ASIC2: variants seen among roughly 807,000 people sequenced by gnomAD.
ASIC2 encodes the protein acid-sensing ion channel 2.
Under a neutral mutation model 57.3 loss-of-function variants are expected in ASIC2, and 25 were observed. That is an observed-to-expected ratio of 0.44 (90% confidence interval 0.32 to 0.61). The LOEUF is 0.61. ASIC2 is among the 20% of genes least tolerant of loss of function. The pLI, the probability that ASIC2 is intolerant of heterozygous loss-of-function variation, is 0.06. For missense variants in ASIC2, 641 were observed against 738.1 expected (o/e 0.87, Z 1.52); for synonymous variants, 319 against 307.5 (o/e 1.04, Z -0.39).
intron 1 of ASIC2, among the ~76,000 whole-genome samples, chr17:33,489,648 C>T (rs940946427): frequency 1.8e-4 from 27 of 152,192 alleles, no homozygotes; most frequent in Admixed American, 1.8e-3. Flanking sequence ...GGGATGAAGC[C>T]ACAGACCCAA....
At chr17:33,240,735 C>T (rs1407369446) in intron 1 of ASIC2, among the ~76,000 whole-genome samples, 3 of 152,130 alleles carry the variant, frequency 2.0e-5, no homozygotes, top group Non-Finnish European at 2.9e-5. Context: ...TCTCCCAATC[C>T]TGCGGGGTCC....
At chr17:33,615,473 C>G (rs1335715326) in intron 1 of ASIC2, among the ~76,000 whole-genome samples, 1 of 152,036 alleles carries the variant, frequency 6.6e-6, no homozygotes, top group Non-Finnish European at 1.5e-5. Context: ...GAAGCTAAAA[C>G]CAAGATATTT....
At chr17:33,995,691 T>G (rs1906136977) in intron 1 of ASIC2, among the ~76,000 whole-genome samples, 1 of 152,218 alleles carries the variant, frequency 6.6e-6, no homozygotes, top group East Asian at 1.9e-4. Context: ...CACACACAAA[T>G]GCACGTATAT....
At chr17:33,422,860 G>A (rs930655468) in intron 1 of ASIC2, among the ~76,000 whole-genome samples, 1 of 152,154 alleles carries the variant, frequency 6.6e-6, no homozygotes, top group Non-Finnish European at 1.5e-5. Context: ...TGGTATACCC[G>A]GGTGATGATC....
intron 1 of ASIC2, among the ~76,000 whole-genome samples, chr17:33,971,463 A>T (rs1905227488): frequency 6.6e-6 from 1 of 152,118 alleles, no homozygotes; most frequent in Non-Finnish European, 1.5e-5. Flanking sequence ...ATACGCTCAC[A>T]CACCAGCTCC....
At chr17:33,925,326 C>T (rs561023902) in intron 1 of ASIC2, among the ~76,000 whole-genome samples, 6 of 152,374 alleles carry the variant, frequency 3.9e-5, no homozygotes, top group Non-Finnish European at 5.9e-5. Flanking sequence ...TGACACTTCT[C>T]GTCCTCCCCT....
At chr17:33,915,871 G>A (rs1157513973) in intron 1 of ASIC2, among the ~76,000 whole-genome samples, 1 of 152,162 alleles carries the variant, frequency 6.6e-6, no homozygotes, top group African/African-American at 2.4e-5. Context: ...GGGGAAGATG[G>A]CATAGGTGAG....
intron 1 of ASIC2, among the ~76,000 whole-genome samples, chr17:33,823,171 T>C: frequency 6.6e-6 from 1 of 152,204 alleles, no homozygotes; most frequent in Non-Finnish European, 1.5e-5. Context: ...TTGCTTCTTA[T>C]CACAGCTGTA....
chr17:33,685,696 G>A (rs1026259624), intron 1 of ASIC2, among the ~76,000 whole-genome samples: 1 of 152,058 alleles, frequency 6.6e-6, no homozygotes, highest in African/African-American at 2.4e-5. Flanking sequence ...GTTGCTCCTT[G>A]GTTTTACTGT....
intron 1 of ASIC2, among the ~76,000 whole-genome samples, chr17:33,764,234 G>A (rs1213232708): frequency 1.3e-5 from 2 of 151,592 alleles, no homozygotes; most frequent in African/African-American, 4.9e-5. Context: ...GGAGAATGGT[G>A]TGAACTCAGG....
chr17:33,072,890 C>T (rs1217394170), intron 3 of ASIC2, among the ~76,000 whole-genome samples: 1 of 152,234 alleles, frequency 6.6e-6, no homozygotes, highest in Non-Finnish European at 1.5e-5. Context: ...TCCACTCCCC[C>T]TGCTAGAAAA....
intron 2 of ASIC2, among the ~76,000 whole-genome samples, chr17:33,110,339 C>A (rs567128380): frequency 6.6e-6 from 1 of 152,190 alleles, no homozygotes; most frequent in African/African-American, 2.4e-5. Context: ...TGGTTGGCCT[C>A]AGGATGCCCT....
At chr17:33,442,663 T>G (rs964986551) in intron 1 of ASIC2, among the ~76,000 whole-genome samples, 1 of 152,094 alleles carries the variant, frequency 6.6e-6, no homozygotes. Flanking sequence ...GTTTCTGGGT[T>G]TTTTTTTCTT....
intron 1 of ASIC2, among the ~76,000 whole-genome samples, chr17:33,188,293 A>G (rs1268075239): frequency 2.6e-5 from 4 of 152,174 alleles, no homozygotes; most frequent in Non-Finnish European, 4.4e-5. Flanking sequence ...TTAAAAGACA[A>G]AATAAAAATA....
intron 1 of ASIC2, among the ~76,000 whole-genome samples, chr17:33,215,849 G>C (rs1343655119): frequency 1.3e-5 from 2 of 152,104 alleles, no homozygotes; most frequent in African/African-American, 4.8e-5. Context: ...ACAGGCGCCC[G>C]CCACCTCGCC....
intron 1 of ASIC2, among the ~76,000 whole-genome samples, chr17:33,809,628 G>A (rs1294217592): frequency 3.3e-5 from 5 of 152,300 alleles, no homozygotes; most frequent in Admixed American, 2.6e-4. Context: ...AGTGCATGGT[G>A]TACCCAAATA....
chr17:33,764,042 C>T (rs1013658824), intron 1 of ASIC2, among the ~76,000 whole-genome samples: 1 of 152,096 alleles, frequency 6.6e-6, no homozygotes, highest in African/African-American at 2.4e-5. Flanking sequence ...GCCTGTAATC[C>T]CAGCACTTTG....
At chr17:33,368,682 G>T (rs1170351026) in intron 1 of ASIC2, among the ~76,000 whole-genome samples, 1 of 152,138 alleles carries the variant, frequency 6.6e-6, no homozygotes, top group Non-Finnish European at 1.5e-5. Flanking sequence ...TTCCCCTCTT[G>T]ATTTCTCCCC....
chr17:33,991,580 A>G (rs1434664308), intron 1 of ASIC2, among the ~76,000 whole-genome samples: 3 of 152,148 alleles, frequency 2.0e-5, no homozygotes, highest in Non-Finnish European at 4.4e-5. Context: ...AGCTAACCAC[A>G]TGGTCTGGCC....
Sources: gnomAD v4.1 joint callset for allele counts (sites outside exome capture counted in the v4.1 genomes callset) on GRCh38, gnomAD v4.1.1 for gene constraint, MANE v1.5 for transcripts, NCBI Gene and HGNC (gene_info 2026-07-23, HGNC 2026-07-21) for gene names.